ADD2: variants seen among roughly 807,000 people sequenced by gnomAD.
The protein encoded by ADD2 is adducin 2, also known as beta-adducin.
In ADD2, 23 loss-of-function variants were observed where a neutral mutation model predicts 83.0. The observed-to-expected ratio is 0.28, with a 90% confidence interval of 0.20 to 0.39. The LOEUF (loss-of-function observed/expected upper bound fraction) is 0.39. Ranked by LOEUF, ADD2 falls within the 10% of genes least tolerant of loss-of-function variation. The probability of loss-of-function intolerance (pLI) is 1.00; values close to 1 mark genes in which losing one functional copy is unlikely to be tolerated. For synonymous variants in ADD2, 375 were observed against 375.4 expected, an observed-to-expected ratio of 1.00 and a Z score of 0.01; for missense variants, 758 against 944.9, an observed-to-expected ratio of 0.80 and a Z score of 2.59.
intron 1 of ADD2, among the ~76,000 whole-genome samples, chr2:70,737,080 T>G (rs1673609480): frequency 6.6e-6 from 1 of 152,036 alleles, no homozygotes; most frequent in Admixed American, 6.6e-5. Flanking sequence ...AAACAACAGG[T>G]GCTGGTGAGG....
At chr2:70,726,153 C>G (rs767711593) in intron 1 of ADD2, among the ~76,000 whole-genome samples, 5 of 136,124 alleles carry the variant, frequency 3.7e-5, no homozygotes, top group Non-Finnish European at 7.6e-5. Flanking sequence ...CGCCACGGCA[C>G]TCCAGCCTGG....
chr2:70,728,995 C>T (rs370850568), intron 1 of ADD2, among the ~76,000 whole-genome samples: 9 of 152,252 alleles, frequency 5.9e-5, no homozygotes, highest in East Asian at 1.9e-4. Context: ...GCTTCCAGCT[C>T]TCATTGAATG....
intron 13 of ADD2, chr2:70,675,598 A>T: frequency 1.0e-6 from 1 of 985,390 alleles, no homozygotes; most frequent in Non-Finnish European, 1.2e-6. Context: ...CAGCATCCTC[A>T]TCTTGGCCTT....
At chr2:70,690,680 C>A in intron 8 of ADD2, 106 bp downstream of exon 8, 2 of 1,201,346 alleles carry the variant, frequency 1.7e-6, no homozygotes, top group Non-Finnish European at 2.3e-6. Context: ...TCTTTTTTTT[C>A]CCCCCTCTCT....
chr2:70,710,749 G>A (rs1298933833), intron 2 of ADD2, among the ~76,000 whole-genome samples: 3 of 152,196 alleles, frequency 2.0e-5, no homozygotes, highest in African/African-American at 4.8e-5. Context: ...CTGTGCCTCC[G>A]TTTCCCCACA....
At chr2:70,739,788 C>A (rs11126292) in intron 1 of ADD2, among the ~76,000 whole-genome samples, 20,701 of 152,272 alleles carry the variant, frequency 0.14, 1,583 homozygotes, top group Middle Eastern at 0.25. Context: ...CCAAATACTG[C>A]ATGTTCTCAC....
chr2:70,712,670 C>T (rs1486113853), intron 2 of ADD2, among the ~76,000 whole-genome samples: 1 of 152,016 alleles, frequency 6.6e-6, no homozygotes, highest in African/African-American at 2.4e-5. Flanking sequence ...GAGGCCAGAA[C>T]TAGGAAACCA....
At position 70,676,994 on chromosome 2, in the gene ADD2, T is replaced by G. The variant is rs1436883605; in HGVS notation, c.1504-109A>C. ...GGTCTAGAAAGGTCCTCTAGCGGTG[T>G]GGGAGCCCGTCACCTATCCTAATGC... On this transcript the variant is annotated intron_variant, in intron 12 of 15. Coordinates refer to ENST00000264436, the MANE Select transcript of ADD2 (RefSeq NM_001617.4). This position sits in a 1 kb window ranked among gnomAD's most constrained non-coding sequence, Gnocchi z 4.8. 304 of 1,482,432 alleles carry G rather than the reference T, an allele frequency of 2.1e-4. No individual in the cohort carries two copies. The highest frequency in any genetic ancestry group is 2.4e-4 in the Non-Finnish European group (272 of 1,111,432). The allele number at this position is 1,482,432 out of a possible 1,614,324, so 91.8% of individuals were successfully genotyped here. A position where few individuals can be genotyped will look rare whatever the true frequency, so the allele number is the denominator to read the frequency against.
intron 9 of ADD2, among the ~76,000 whole-genome samples, chr2:70,684,787 T>C (rs753261122): frequency 6.6e-6 from 1 of 152,174 alleles, no homozygotes; most frequent in Non-Finnish European, 1.5e-5. Context: ...GTCTGTCTCA[T>C]TGTCAAGGCT....
At chr2:70,756,823 G>A (rs1337203955) in intron 1 of ADD2, among the ~76,000 whole-genome samples, 1 of 152,016 alleles carries the variant, frequency 6.6e-6, no homozygotes, top group African/African-American at 2.4e-5. Flanking sequence ...AACCTTGAGG[G>A]TTTTTTGTTT....
chr2:70,689,320 C>G (rs781960354), intron 8 of ADD2, among the ~76,000 whole-genome samples: 8 of 152,242 alleles, frequency 5.3e-5, no homozygotes, highest in Non-Finnish European at 8.8e-5. Flanking sequence ...CAAGAACTCT[C>G]TGGAACCAGA....
At chr2:70,685,997 TAA>T (rs1299671993) in intron 9 of ADD2, among the ~76,000 whole-genome samples, 3 of 152,154 alleles carry the variant, frequency 2.0e-5, no homozygotes, top group Non-Finnish European at 4.4e-5. Context: ...CCAGGAGAAA[TAA>T]ATAGGCTCTC....
intron 1 of ADD2, among the ~76,000 whole-genome samples, chr2:70,735,859 T>A (rs937391904): frequency 4.3e-3 from 14 of 3,252 alleles, no homozygotes; most frequent in Non-Finnish European, 0.01. Context: ...CATGCCCGGC[T>A]TTTTTTTTTT....
At chr2:70,673,656 G>A (rs1670002315) in intron 14 of ADD2, among the ~76,000 whole-genome samples, 1 of 152,156 alleles carries the variant, frequency 6.6e-6, no homozygotes, top group African/African-American at 2.4e-5. Context: ...GAGTGCAGTG[G>A]TGTGACCTCA....
Position 70,663,687 on chromosome 2 carries a change from T to G in ADD2, c.1919A>C (p.Glu640Ala), listed in dbSNP as rs1675630943. Residue 640 changes from glutamate (E) to alanine (A), a missense_variant, in exon 16 of 16, where the codon GAA becomes GCA. Glu to Ala is a moderately radical substitution (Grantham distance 107, BLOSUM62 -1). Around this residue, in one of 5 missense-constraint regions of ADD2, gnomAD observed 165 missense variants for 176.2 expected, o/e 0.94. Transcript: ENST00000264436. Reference sequence around the variant, plus strand: ...CACCACCCCTTCCGGCTGGGTTGTTTCGGGCTCTGTGGTGGCGGCTTTGCT... The same window carrying G: ...CACCACCCCTTCCGGCTGGGTTGTTGCGGGCTCTGTGGTGGCGGCTTTGCT... Reference protein sequence around the residue: ...ETSKAATTEPETTQPEGVVVN... With the variant: ...ETSKAATTEPATTQPEGVVVN... The G allele has an allele frequency of 1.2e-6, 2 of 1,614,114 alleles. No homozygotes were observed. The highest frequency in any genetic ancestry group is 2.7e-5 in the African/African-American group (2 of 75,020).
chr2:70,675,345 C>G, intron 13 of ADD2: 1 of 986,570 alleles, frequency 1.0e-6, no homozygotes, highest in East Asian at 1.1e-4. Context: ...ACTGTTAGTC[C>G]TGTTTCACAC....
intron 12 of ADD2, 102 bp downstream of exon 12, chr2:70,677,656 G>A: frequency 6.8e-7 from 1 of 1,460,200 alleles, no homozygotes; most frequent in Non-Finnish European, 9.4e-7. Flanking sequence ...CATGTGAGAT[G>A]TCAGCGAGTC....
intron 1 of ADD2, among the ~76,000 whole-genome samples, chr2:70,760,441 T>C (rs1002275444): frequency 7.9e-5 from 12 of 152,222 alleles, no homozygotes; most frequent in Non-Finnish European, 1.5e-4. Context: ...ATATATATTT[T>C]TTGAAGCATC....
intron 9 of ADD2, among the ~76,000 whole-genome samples, chr2:70,684,820 G>T (rs1481529590): frequency 1.3e-5 from 2 of 152,206 alleles, no homozygotes; most frequent in East Asian, 3.8e-4. Context: ...CAATGCAGGT[G>T]GTTGTAGGCA....
Sources: gnomAD v4.1 joint callset for allele counts (sites outside exome capture counted in the v4.1 genomes callset) on GRCh38, gnomAD v4.1.1 for gene constraint, gnomAD v4.1.1 regional missense constraint, Gnocchi (gnomAD v3.1) non-coding constraint, MANE v1.5 for transcripts, NCBI Gene and HGNC (gene_info 2026-07-23, HGNC 2026-07-21) for gene names.